The following TECPR2 variants were observed in gnomAD, a reference collection of about 807,000 sequenced individuals.
The protein encoded by TECPR2 is tectonin beta-propeller repeat containing 2, also known as tectonin beta-propeller repeat-containing protein 2.
In TECPR2, 65 loss-of-function variants were observed where a neutral mutation model predicts 138.1. The observed-to-expected ratio is 0.47, with a 90% confidence interval of 0.39 to 0.58. The LOEUF (loss-of-function observed/expected upper bound fraction) is 0.58, where lower values mean the gene tolerates loss of function less well. Ranked by LOEUF, TECPR2 falls within the 20% of genes least tolerant of loss-of-function variation. The probability of loss-of-function intolerance (pLI) is 0.00; values close to 1 mark genes in which losing one functional copy is unlikely to be tolerated. For missense variants in TECPR2, 1,553 were observed against 1,824.5 expected (o/e 0.85, Z 2.71); for synonymous variants, 746 against 749.8 (o/e 0.99, Z 0.08).
At chr14:102,426,194 G>T (rs548494834) in intron 6 of TECPR2, among the ~76,000 whole-genome samples, 220 of 148,604 alleles carry the variant, frequency 1.5e-3, no homozygotes, top group Middle Eastern at 0.01. Flanking sequence ...CCGCCACTTG[G>T]TTTTTTTTTT....
chr14:102,394,980 T>C (rs957373711), intron 2 of TECPR2, among the ~76,000 whole-genome samples: 1 of 152,150 alleles, frequency 6.6e-6, no homozygotes, highest in South Asian at 2.1e-4. Context: ...CTCCTAATCG[T>C]GTTTGTCAGA....
intron 19 of TECPR2, 127 bp downstream of exon 19, chr14:102,497,846 C>A: frequency 7.7e-7 from 1 of 1,306,126 alleles, no homozygotes; most frequent in Non-Finnish European, 1.0e-6. Flanking sequence ...GAACTGAGGG[C>A]AAAGCCAGGA....
intron 10 of TECPR2, chr14:102,438,607 A>G (rs1889744979): frequency 1.1e-5 from 2 of 176,164 alleles, no homozygotes; most frequent in Non-Finnish European, 2.4e-5. Context: ...CGAACTAACG[A>G]AGACGGGCCT....
chr14:102,451,926 C>T (rs917609995), intron 15 of TECPR2, among the ~76,000 whole-genome samples: 4 of 152,136 alleles, frequency 2.6e-5, no homozygotes, highest in Non-Finnish European at 5.9e-5. Context: ...GCCCCATCCC[C>T]AGAAGGTCCG....
intron 17 of TECPR2, among the ~76,000 whole-genome samples, chr14:102,479,527 C>T (rs141778039): frequency 3.2e-3 from 485 of 152,158 alleles, no homozygotes; most frequent in Non-Finnish European, 4.8e-3. Flanking sequence ...TGAGCAGGGC[C>T]GGACAGGACC....
At chr14:102,396,770 G>A (rs774518342) in intron 2 of TECPR2, among the ~76,000 whole-genome samples, 1 of 152,216 alleles carries the variant, frequency 6.6e-6, no homozygotes, top group Admixed American at 6.5e-5. Context: ...GCGGCTACGC[G>A]GGTGTTCCTA....
chr14:102,487,732 G>A (rs1365173998), intron 17 of TECPR2, among the ~76,000 whole-genome samples: 2 of 151,364 alleles, frequency 1.3e-5, no homozygotes, highest in East Asian at 3.9e-4. Flanking sequence ...TAGTAGAGAC[G>A]GGGTTTCACT....
chr14:102,436,312 T>G (rs1889669507), intron 9 of TECPR2, among the ~76,000 whole-genome samples: 1 of 144,334 alleles, frequency 6.9e-6, no homozygotes, highest in Non-Finnish European at 1.5e-5. Flanking sequence ...TTTTTCTTCT[T>G]TCTTTCTTTT....
chr14:102,449,794 C>T lies in TECPR2; in HGVS notation c.3241C>T (p.Leu1081Phe), dbSNP rs753640472. The T allele has an allele frequency of 6.2e-7, 1 of 1,614,192 alleles. No homozygotes were observed. Among genetic ancestry groups the T allele is most frequent in the Non-Finnish European group, 8.5e-7 (1 of 1,180,032 alleles). The change falls in exon 14 of 20, where the codon CTC (leucine) becomes TTC (phenylalanine). Residue 1081 changes from leucine (L) to phenylalanine (F), a missense_variant. Physicochemically the swap from Leu to Phe is conservative, Grantham distance 22. Transcript: ENST00000359520. Reference protein sequence around the residue: ...SQQLQCQPSLLGVNNSGVWIS... With the variant: ...SQQLQCQPSLFGVNNSGVWIS... ...GCAGCTTCAGTGCCAGCCAAGCCTT[C>T]TCGGGGTCAATAACAGCGGTGTCTG...
intron 4 of TECPR2, 65 bp from the exon 5 acceptor site, chr14:102,414,571 T>C: frequency 6.3e-7 from 1 of 1,592,768 alleles, no homozygotes; most frequent in East Asian, 2.2e-5. Flanking sequence ...CACTGACTTG[T>C]CCTAAGGGAG....
At chr14:102,454,239 C>A (rs1890223168) in intron 16 of TECPR2, among the ~76,000 whole-genome samples, 1 of 152,124 alleles carries the variant, frequency 6.6e-6, no homozygotes, top group Admixed American at 6.5e-5. Flanking sequence ...AGTCTGTATG[C>A]TACCAGCTGA....
intron 1 of TECPR2, among the ~76,000 whole-genome samples, chr14:102,369,721 C>T (rs1887445503): frequency 2.0e-5 from 3 of 152,014 alleles, no homozygotes; most frequent in East Asian, 1.9e-4. Context: ...GCGGGTGGAT[C>T]ACAAGATCAG....
chr14:102,465,487 G>T (rs1595140256), intron 17 of TECPR2, 198 bp downstream of exon 17: 1 of 1,354,390 alleles, frequency 7.4e-7, no homozygotes, highest in Non-Finnish European at 9.5e-7. Context: ...GAGCTGAACA[G>T]ACTGTTACAG....
At position 102,434,308 on chromosome 14, in the gene TECPR2, C is replaced by G; in HGVS notation, c.1491C>G (p.Pro497=). 1 of 1,444,480 alleles carries G rather than the reference C, an allele frequency of 6.9e-7. No homozygotes were observed. The highest frequency in any genetic ancestry group is 9.1e-7 in the Non-Finnish European group (1 of 1,094,568). 89.5% of individuals were successfully genotyped at this position (1,444,480 alleles called of 1,614,324 possible). The stretch of plus-strand genomic sequence containing the variant: ...GCTCCGAATTTCCTGGGGACAGTCC[C>G]CAGTCCTTGAACACAGACTTGCTGT... ...TPCSEFPGDS[P]QSLNTDLLSM... Residue 497 remains proline (P), a synonymous_variant, in exon 9 of 20, where the codon CCC becomes CCG. Transcript: ENST00000359520.
chr14:102,436,492 GT>G (rs1197679060), intron 9 of TECPR2, among the ~76,000 whole-genome samples: 1 of 151,926 alleles, frequency 6.6e-6, no homozygotes, highest in Non-Finnish European at 1.5e-5. Flanking sequence ...GCTAATTTTT[GT>G]ATTTTTTGTA....
At chr14:102,486,848 G>T (rs549223330) in intron 17 of TECPR2, among the ~76,000 whole-genome samples, 1 of 152,204 alleles carries the variant, frequency 6.6e-6, no homozygotes, top group Non-Finnish European at 1.5e-5. Flanking sequence ...ATGGGTATCG[G>T]GTTTTTAAGC....
chr14:102,430,989 G>A (rs1365012637), intron 7 of TECPR2, among the ~76,000 whole-genome samples: 1 of 151,000 alleles, frequency 6.6e-6, no homozygotes, highest in Non-Finnish European at 1.5e-5. Flanking sequence ...TTTGTAAATT[G>A]AAGCGAGAAA....
In TECPR2 at chr14:102,434,297, G is replaced by T; in HGVS notation, c.1480G>T (p.Gly494Trp). ...ATCGACACCCTGCTCCGAATTTCCT[G>T]GGGACAGTCCCCAGTCCTTGAACAC... is the stretch of plus-strand genomic sequence containing the variant. The part of the protein sequence containing the change: ...LESTPCSEFP[G>W]DSPQSLNTDL... Residue 494 changes from glycine (G) to tryptophan (W), a missense_variant, in exon 9 of 20, where the codon GGG (glycine) becomes TGG (tryptophan). Transcript: ENST00000359520. The T allele has an allele frequency of 7.1e-7, 1 of 1,403,980 alleles. No individual in the cohort carries two copies. The highest frequency in any genetic ancestry group is 9.3e-7 in the Non-Finnish European group (1 of 1,073,288). The allele number at this position is 1,403,980 out of a possible 1,614,324, so 87.0% of individuals were successfully genotyped here. A position where few individuals can be genotyped will look rare whatever the true frequency, so the allele number is the denominator to read the frequency against.
In TECPR2 at chr14:102,376,778, C is replaced by T. The variant is rs760381261; in HGVS notation, c.57C>T (p.Leu19=). The change falls in exon 2 of 20, where the codon CTC becomes CTT. Residue 19 remains leucine (L), a synonymous_variant. Coordinates refer to ENST00000359520, the MANE Select transcript of TECPR2 (RefSeq NM_014844.5). ...GAGAGTTCTGCCCGTTGTACTATCT[C>T]CTCAATGCCATTCCGACAAAGATCC... The part of the protein sequence containing the change: ...TFREFCPLYY[L]LNAIPTKIQK... The T allele has an allele frequency of 6.2e-7, 1 of 1,614,164 alleles. No homozygotes were observed. The highest frequency in any genetic ancestry group is 1.1e-5 in the South Asian group (1 of 91,082).
Sources: allele counts gnomAD v4.1 joint callset (sites outside exome capture counted in the v4.1 genomes callset), GRCh38; gene constraint gnomAD v4.1.1; transcripts MANE v1.5; gene names NCBI Gene and HGNC (gene_info 2026-07-23, HGNC 2026-07-21).